The following RP1 variants were observed in gnomAD, a reference collection of about 807,000 sequenced individuals.
RP1 encodes the protein oxygen-regulated protein 1.
In RP1, 16 loss-of-function variants were observed where a neutral mutation model predicts 14.8. The observed-to-expected ratio is 1.08, with a 90% CI of 0.73 to 1.65. RP1 has a LOEUF of 1.65. RP1 is among the 40% of genes most tolerant of loss of function. The pLI is 0.00. For missense variants in RP1, 2,631 were observed against 2,535.0 expected (o/e 1.04, Z -0.81); for synonymous variants, 876 against 883.6 (o/e 0.99, Z 0.15).
intron 12 of RP1, among the ~76,000 whole-genome samples, chr8:54,690,253 A>G (rs1377296899): frequency 6.6e-6 from 1 of 151,938 alleles, no homozygotes; most frequent in African/African-American, 2.4e-5. Flanking sequence ...TTTAGGCCCT[A>G]TTTCTAGTGA....
chr8:54,687,188 G>A (rs1807585155), intron 12 of RP1, among the ~76,000 whole-genome samples: 1 of 152,142 alleles, frequency 6.6e-6, no homozygotes. Context: ...AAAACAGGAA[G>A]CCTGCAACAG....
Position 54,627,054 on chromosome 8 carries a change from C to G in RP1, c.3172C>G (p.Leu1058Val). 6.2e-7 allele frequency: 1 copy of G among 1,613,926 alleles called. No homozygotes were observed. The highest frequency in any genetic ancestry group is 8.5e-7 in the Non-Finnish European group (1 of 1,179,938). Reference protein sequence around the residue: ...EKKLVYQEINLARKRQSVEAA... With the variant: ...EKKLVYQEINVARKRQSVEAA... ...AAAACTTGTTTACCAGGAAATAAAC[C>G]TAGCTAGAAAAAGGCAAAGTGTAGA... is the stretch of plus-strand genomic sequence containing the variant. Residue 1058 changes from leucine to valine, a missense_variant, in exon 4 of 4, where the codon CTA becomes GTA. By Grantham distance (32) the Leu-to-Val change is conservative. Coordinates refer to ENST00000220676, the MANE Select transcript of RP1 (RefSeq NM_006269.2).
At chr8:54,847,272 G>T (rs1355823391) in intron 25 of RP1, among the ~76,000 whole-genome samples, 1 of 152,172 alleles carries the variant, frequency 6.6e-6, no homozygotes, top group Non-Finnish European at 1.5e-5. Flanking sequence ...TCTCTTCTAA[G>T]ATTCTTTCAG....
intron 23 of RP1, among the ~76,000 whole-genome samples, chr8:54,776,508 T>A (rs1396050870): frequency 6.6e-6 from 1 of 152,240 alleles, no homozygotes; most frequent in Non-Finnish European, 1.5e-5. Flanking sequence ...TATAAGGGAC[T>A]TGAGCATCTT....
rs149022177 is a variant in RP1 at position 54,863,290 on chromosome 8, A to G, written c.4070-2545A>G. On this transcript the variant is annotated intron_variant, in intron 27 of 28. Transcript: ENST00000637698. ...AGTTGCCTACAGTATTTAGTACAGT[A>G]ACACGCTGAACAGGTTATAGCCTAA... is the stretch of plus-strand genomic sequence containing the variant. 6.6e-4 allele frequency among the ~76,000 whole-genome samples: 100 copies of G among 152,234 alleles called. 1 individual carries two copies. The highest frequency in any genetic ancestry group is 2.3e-3 in the African/African-American group (94 of 41,554).
intron 15 of RP1, among the ~76,000 whole-genome samples, chr8:54,708,165 GC>G (rs1022613681): frequency 6.6e-6 from 1 of 152,210 alleles, no homozygotes; most frequent in African/African-American, 2.4e-5. Flanking sequence ...TGTAATACAT[GC>G]TTTTGTGTTT....
intron 7 of RP1, chr8:54,663,937 T>A (rs1806954347): frequency 7.9e-7 from 1 of 1,260,980 alleles, no homozygotes; most frequent in Non-Finnish European, 1.0e-6. Flanking sequence ...ATTCTAAGAG[T>A]TTTTAATTTC....
intron 24 of RP1, among the ~76,000 whole-genome samples, chr8:54,827,228 A>G (rs530906644): frequency 6.6e-6 from 1 of 152,242 alleles, no homozygotes. Context: ...TCTTTCATCA[A>G]TAACAAAGTA....
In RP1 at chr8:54,767,945, G is replaced by T. The variant is rs571041121; in HGVS notation, c.3249-1796G>T. Among the ~76,000 whole-genome samples the T allele has an allele frequency of 5.9e-5, 9 of 152,216 alleles. No individual in the cohort carries two copies. The South Asian group carries it at 1.9e-3, about 32-fold the overall frequency. ...GAGAGATGAGCAATCCTGACAGCTG[G>T]GTAGGACTGCGAGCTCACAGTTCGC... On this transcript the variant is annotated intron_variant, in intron 22 of 22. Transcript: ENST00000636932.
chr8:54,626,049 GGAGGGATACTTTGT>G lies in RP1; in HGVS notation c.2172_2185del (p.Ile725ArgfsTer6), dbSNP rs1554519546. ...GCAAGATTCAGATAGTCCCCTTAAA[GGAGGGATACTTTGT>G]GAGGAAGACCTCCAGAAAAGTGATA... On this transcript the variant is annotated frameshift_variant, in exon 4 of 4. Transcript: ENST00000220676. LOFTEE classifies it low-confidence loss of function (END_TRUNC). The G allele has an allele frequency of 6.2e-7, 1 of 1,613,874 alleles. No homozygotes were observed. The highest frequency in any genetic ancestry group is 8.5e-7 in the Non-Finnish European group (1 of 1,179,904).
chr8:54,811,441 T>G (rs1486990796), intron 24 of RP1, among the ~76,000 whole-genome samples: 1 of 152,216 alleles, frequency 6.6e-6, no homozygotes, highest in African/African-American at 2.4e-5. Context: ...ACCTAAACTA[T>G]TTTAAGTCAA....
chr8:54,665,338 C>T (rs1221667224), intron 7 of RP1, among the ~76,000 whole-genome samples: 1 of 152,150 alleles, frequency 6.6e-6, no homozygotes, highest in Non-Finnish European at 1.5e-5. Flanking sequence ...AAATAGACCT[C>T]ACTGATCAAC....
At chr8:54,844,675 G>A (rs768803259) in intron 25 of RP1, among the ~76,000 whole-genome samples, 73 of 152,236 alleles carry the variant, frequency 4.8e-4, no homozygotes, top group Admixed American at 1.6e-3. Context: ...AAGTCCCATA[G>A]ATCGTTTCCC....
chr8:54,699,548 A>T, exon 13 of RP1: 5 of 1,393,814 alleles, frequency 3.6e-6, no homozygotes, highest in Non-Finnish European at 4.7e-6. Context: ...CTTGCTCTTG[A>T]CAATGGCATT....
At chr8:54,655,451 G>GTATAATAGGTAACCA (rs71254589) in intron 5 of RP1, among the ~76,000 whole-genome samples, 89,452 of 151,828 alleles carry the variant, frequency 0.59, 27,522 homozygotes, top group Middle Eastern at 0.77. Flanking sequence ...AATGGATCAG[G>GTATAATAGGTAACCA]TATAAATAAT....
intron 18 of RP1, among the ~76,000 whole-genome samples, chr8:54,736,950 A>C (rs1808946612): frequency 6.6e-6 from 1 of 152,020 alleles, no homozygotes; most frequent in African/African-American, 2.4e-5. Flanking sequence ...ATGAATTGAC[A>C]CATTTATACA....
chr8:54,644,292 ACT>A (rs1806504183), intron 3 of RP1, among the ~76,000 whole-genome samples: 1 of 152,220 alleles, frequency 6.6e-6, no homozygotes, highest in East Asian at 1.9e-4. Flanking sequence ...TCAGTGGCTT[ACT>A]GCTTTGTTCT....
At chr8:54,678,331 A>G (rs1387721281) in intron 8 of RP1, 1 of 634,674 alleles carries the variant, frequency 1.6e-6, no homozygotes, top group Non-Finnish European at 2.5e-6. Context: ...GCTTTATTTG[A>G]AGTACTAAAG....
chr8:54,729,017 A>G (rs1808728123), intron 17 of RP1, among the ~76,000 whole-genome samples: 1 of 152,202 alleles, frequency 6.6e-6, no homozygotes, highest in South Asian at 2.1e-4. Flanking sequence ...CAGAAATGCC[A>G]TATTTTAAAA....
Sources: allele counts gnomAD v4.1 joint callset (sites outside exome capture counted in the v4.1 genomes callset), GRCh38; gene constraint gnomAD v4.1.1; transcripts MANE v1.5; gene names NCBI Gene and HGNC (gene_info 2026-07-23, HGNC 2026-07-21).